Variants in DLGAP1 observed in about 807,000 individuals in gnomAD.
DLGAP1 encodes the protein disks large-associated protein 1.
DLGAP1 carries 11 observed loss-of-function variants against 90.8 expected under a neutral mutation model. That is an observed-to-expected ratio of 0.12 (90% CI 0.08 to 0.20). DLGAP1 has a LOEUF of 0.20. Among genes scored for constraint, DLGAP1 ranks in the 10% least tolerant of loss-of-function variants. The pLI is 1.00. For synonymous variants in DLGAP1, 558 were observed against 540.7 expected, an observed-to-expected ratio of 1.03 and a Z score of -0.44; for missense variants, 1,050 against 1,333.8, an observed-to-expected ratio of 0.79 and a Z score of 3.31.
intron 1 of DLGAP1, among the ~76,000 whole-genome samples, chr18:4,286,919 C>A (rs1211669369): frequency 2.0e-5 from 3 of 152,012 alleles, no homozygotes. Flanking sequence ...GGGGAGTGAA[C>A]CACATGGATA....
At chr18:4,123,521 A>T (rs1263041442) in intron 2 of DLGAP1, among the ~76,000 whole-genome samples, 1 of 152,170 alleles carries the variant, frequency 6.6e-6, no homozygotes, top group Non-Finnish European at 1.5e-5. Context: ...ATAAAAAGTG[A>T]CCATCTTAAG....
chr18:3,822,724 G>C (rs1472340988), intron 4 of DLGAP1, among the ~76,000 whole-genome samples: 1 of 152,210 alleles, frequency 6.6e-6, no homozygotes, highest in Non-Finnish European at 1.5e-5. Context: ...GCCTAGGTCT[G>C]CAGTCCCCAA....
intron 7 of DLGAP1, among the ~76,000 whole-genome samples, chr18:3,621,961 A>G (rs954609379): frequency 6.6e-6 from 1 of 152,040 alleles, no homozygotes; most frequent in African/African-American, 2.4e-5. Flanking sequence ...GTGAGACCCT[A>G]TCTCTACAAA....
rs141577786 is a variant in DLGAP1, at chr18:4,313,002, T to C, written c.-267+142004A>G. On this transcript the variant is annotated intron_variant, in intron 1 of 12. Coordinates refer to ENST00000315677, the MANE Select transcript of DLGAP1 (RefSeq NM_004746.4). ...TTTCCATATTGTGTCCTCATTTTACTTACTTCTTAGCCTTATTAAGAGTAG... is the reference window on the plus strand; with the variant it reads ...TTTCCATATTGTGTCCTCATTTTACCTACTTCTTAGCCTTATTAAGAGTAG... 1.2e-3 allele frequency among the ~76,000 whole-genome samples: 186 copies of C among 152,352 alleles called. 1 individual carries two copies. The highest frequency in any genetic ancestry group is 4.3e-3 in the African/African-American group (179 of 41,586).
At chr18:4,343,401 A>T (rs1372661874) in intron 1 of DLGAP1, among the ~76,000 whole-genome samples, 4 of 152,136 alleles carry the variant, frequency 2.6e-5, no homozygotes. Context: ...CAAGTTATAC[A>T]GAGTGAGTTG....
At chr18:3,622,799 T>G (rs2058143811) in intron 7 of DLGAP1, among the ~76,000 whole-genome samples, 1 of 152,036 alleles carries the variant, frequency 6.6e-6, no homozygotes, top group Non-Finnish European at 1.5e-5. Flanking sequence ...ATTGATTTCT[T>G]TTTTTTTCTT....
intron 3 of DLGAP1, among the ~76,000 whole-genome samples, chr18:3,984,959 T>C (rs973016477): frequency 6.6e-6 from 1 of 152,224 alleles, no homozygotes; most frequent in African/African-American, 2.4e-5. Flanking sequence ...ATGCCTTGTA[T>C]TCACTCAGTG....
intron 7 of DLGAP1, among the ~76,000 whole-genome samples, chr18:3,717,820 C>T (rs929875788): frequency 1.2e-4 from 18 of 152,128 alleles, no homozygotes; most frequent in African/African-American, 4.1e-4. Flanking sequence ...ATTGCTGAAC[C>T]ACTGCAAAGC....
intron 7 of DLGAP1, among the ~76,000 whole-genome samples, chr18:3,704,528 C>T (rs1482782279): frequency 1.3e-5 from 2 of 151,938 alleles, no homozygotes; most frequent in Non-Finnish European, 2.9e-5. Flanking sequence ...CGAGACTGCA[C>T]CACTGCACTC....
At chr18:3,616,411 T>C (rs1021656409) in intron 7 of DLGAP1, among the ~76,000 whole-genome samples, 14 of 152,244 alleles carry the variant, frequency 9.2e-5, no homozygotes, top group African/African-American at 2.6e-4. Flanking sequence ...CTGAGGGCGA[T>C]AGTTTGCCAA....
At chr18:4,343,649 G>C (rs955408261) in intron 1 of DLGAP1, among the ~76,000 whole-genome samples, 2 of 152,026 alleles carry the variant, frequency 1.3e-5, no homozygotes, top group East Asian at 1.9e-4. Context: ...GTGCCTGTTG[G>C]GGGGTCGGGG....
At chr18:4,048,895 T>A (rs1411180440) in intron 2 of DLGAP1, among the ~76,000 whole-genome samples, 1 of 152,198 alleles carries the variant, frequency 6.6e-6, no homozygotes, top group Non-Finnish European at 1.5e-5. Flanking sequence ...CTTTTGCAAG[T>A]CATTAGTTCA....
At chr18:3,687,247 G>A (rs897431764) in intron 7 of DLGAP1, among the ~76,000 whole-genome samples, 1 of 152,174 alleles carries the variant, frequency 6.6e-6, no homozygotes, top group African/African-American at 2.4e-5. Flanking sequence ...GCCATAAGAA[G>A]TGAATACAGG....
At chr18:4,377,649 T>C (rs2082041289) in intron 1 of DLGAP1, among the ~76,000 whole-genome samples, 1 of 152,144 alleles carries the variant, frequency 6.6e-6, no homozygotes, top group Admixed American at 6.6e-5. Flanking sequence ...ATTATTACTT[T>C]CTTATAAAAT....
chr18:3,650,754 A>G (rs896367195), intron 7 of DLGAP1, among the ~76,000 whole-genome samples: 5 of 152,214 alleles, frequency 3.3e-5, no homozygotes, highest in African/African-American at 7.2e-5. Context: ...TCTGACTAAC[A>G]TTTTGATTTC....
intron 1 of DLGAP1, among the ~76,000 whole-genome samples, chr18:4,448,539 A>G (rs1402090762): frequency 6.6e-6 from 1 of 152,174 alleles, no homozygotes; most frequent in African/African-American, 2.4e-5. Flanking sequence ...ATTATTATGC[A>G]CCATAGTTTA....
At chr18:3,694,776 A>ATT (rs1478078210) in intron 7 of DLGAP1, among the ~76,000 whole-genome samples, 1 of 152,084 alleles carries the variant, frequency 6.6e-6, no homozygotes, top group East Asian at 1.9e-4. Flanking sequence ...GATTCTGGAT[A>ATT]TTAGCCCTTT....
intron 1 of DLGAP1, among the ~76,000 whole-genome samples, chr18:4,231,403 T>C (rs1430786139): frequency 6.6e-6 from 1 of 152,160 alleles, no homozygotes; most frequent in Non-Finnish European, 1.5e-5. Context: ...TGGGTTTTGA[T>C]TGGATTTTGC....
intron 1 of DLGAP1, among the ~76,000 whole-genome samples, chr18:4,324,200 C>G (rs75067087): frequency 6.6e-6 from 1 of 151,586 alleles, no homozygotes; most frequent in African/African-American, 2.4e-5. Context: ...ACTGACCGCA[C>G]AGAAATACAA....
Sources: gnomAD v4.1 joint callset for allele counts (sites outside exome capture counted in the v4.1 genomes callset) on GRCh38, gnomAD v4.1.1 for gene constraint, MANE v1.5 for transcripts, NCBI Gene and HGNC (gene_info 2026-07-23, HGNC 2026-07-21) for gene names.